Variants in WDR27 observed in about 807,000 individuals in gnomAD.
WDR27 encodes WD repeat domain 27.
WDR27 carries 100 observed loss-of-function variants against 114.4 expected under a neutral mutation model. The ratio of observed to expected loss-of-function variants is 0.87; its 90% CI spans 0.74 to 1.03. The LOEUF is 1.03. Ranked by LOEUF, WDR27 falls within the 50% of genes least tolerant of loss-of-function variation. The pLI is 0.00. For missense variants in WDR27, 1,129 were observed against 1,092.9 expected (o/e 1.03, Z -0.47); for synonymous variants, 449 against 423.1 (o/e 1.06, Z -0.75).
At chr6:169,474,301 AATAAACTCTGC>A (rs1786835684) in intron 25 of WDR27, among the ~76,000 whole-genome samples, 1 of 152,238 alleles carries the variant, frequency 6.6e-6, no homozygotes, top group Admixed American at 6.5e-5. Flanking sequence ...CTTAAGGATA[AATAAACTCTGC>A]TGAAGATCAT....
intron 25 of WDR27, among the ~76,000 whole-genome samples, chr6:169,486,043 A>G (rs1562481569): frequency 6.6e-6 from 1 of 152,134 alleles, no homozygotes; most frequent in Non-Finnish European, 1.5e-5. Flanking sequence ...AAAAGTAGCT[A>G]TTGGGTGACA....
intron 8 of WDR27, among the ~76,000 whole-genome samples, chr6:169,663,186 G>C (rs1237714582): frequency 6.6e-6 from 1 of 152,160 alleles, no homozygotes; most frequent in Non-Finnish European, 1.5e-5. Flanking sequence ...ATAATCAATT[G>C]AAAGAACTTA....
intron 22 of WDR27, among the ~76,000 whole-genome samples, chr6:169,607,391 T>TACACACAC (rs771848826): frequency 1.1e-5 from 1 of 87,386 alleles, no homozygotes; most frequent in African/African-American, 4.8e-5. Flanking sequence ...CTTGTGTGTG[T>TACACACAC]ATACACACAC....
intron 25 of WDR27, among the ~76,000 whole-genome samples, chr6:169,484,946 G>A (rs978782854): frequency 1.3e-5 from 2 of 152,320 alleles, no homozygotes; most frequent in East Asian, 1.9e-4. Flanking sequence ...AATAAATGGT[G>A]CTGGGATAAG....
At chr6:169,452,492 CG>C, downstream of WDR27, among the ~76,000 whole-genome samples, 1 of 19,462 alleles carries the variant, frequency 5.1e-5, no homozygotes, top group East Asian at 1.5e-3. Flanking sequence ...CAGCCCCGGA[CG>C]TGGGGTCAGA....
chr6:169,693,260 A>G (rs1784968079), intron 1 of WDR27, among the ~76,000 whole-genome samples: 6 of 152,126 alleles, frequency 3.9e-5, no homozygotes, highest in Admixed American at 3.9e-4. Context: ...CAAATGAAGG[A>G]AAGATAAAGT....
chr6:169,658,094 A>G, intron 13 of WDR27, 182 bp downstream of exon 13: 1 of 546,690 alleles, frequency 1.8e-6, no homozygotes, highest in East Asian at 3.2e-5. Context: ...GCACCCAGCA[A>G]GTTCCCCACC....
At position 169,672,266 on chromosome 6, in the gene WDR27, TTCTC is replaced by T; in HGVS notation, c.316_319del (p.Glu106LysfsTer25). 6.2e-7 allele frequency: 1 copy of T among 1,612,142 alleles called. No individual in the cohort carries two copies. Among genetic ancestry groups the T allele is most frequent in the Non-Finnish European group, 8.5e-7 (1 of 1,179,352 alleles). Reference sequence around the variant, plus strand: ...AGATTTTCATTTACCTTGAAGTACTTTCTCTCTACATTCATCCAGGTTCCACATT... The same window carrying T: ...AGATTTTCATTTACCTTGAAGTACTTTCTACATTCATCCAGGTTCCACATT... On this transcript the variant is annotated frameshift_variant, in exon 3 of 26. Transcript: ENST00000448612. LOFTEE classifies it high-confidence loss of function.
chr6:169,640,128 C>T (rs1368459622), intron 17 of WDR27, among the ~76,000 whole-genome samples: 2 of 152,172 alleles, frequency 1.3e-5, no homozygotes, highest in African/African-American at 4.8e-5. Flanking sequence ...TGCTCGACGA[C>T]CCCATTTTGC....
chr6:169,654,719 AAGGAGGCGCGCACAGG>A (rs879674284), intron 13 of WDR27, among the ~76,000 whole-genome samples: 81 of 123,540 alleles, frequency 6.6e-4, no homozygotes, highest in East Asian at 2.0e-3. Context: ...CGCACAGGAG[AAGGAGGCGCGCACAGG>A]AGGAGGCGCG....
intron 22 of WDR27, among the ~76,000 whole-genome samples, chr6:169,607,939 T>C (rs374220583): frequency 3.9e-5 from 6 of 152,332 alleles, no homozygotes; most frequent in Middle Eastern, 3.4e-3. Context: ...CCTGTGTGAA[T>C]GTCACAGAGT....
intron 25 of WDR27, among the ~76,000 whole-genome samples, chr6:169,531,054 T>C (rs1485772076): frequency 6.6e-6 from 1 of 152,186 alleles, no homozygotes. Context: ...TTTCACTAGA[T>C]TAAGGTCCAT....
intron 24 of WDR27, among the ~76,000 whole-genome samples, chr6:169,575,224 A>C (rs1415521023): frequency 5.0e-5 from 7 of 139,698 alleles, no homozygotes; most frequent in Non-Finnish European, 9.4e-5. Context: ...CCATCCATCC[A>C]TCTCTCTCCC....
chr6:169,524,131 T>C (rs1012472184), intron 25 of WDR27, among the ~76,000 whole-genome samples: 1 of 152,088 alleles, frequency 6.6e-6, no homozygotes, highest in African/African-American at 2.4e-5. Context: ...AGTATTTATA[T>C]ACACCAACAG....
intron 25 of WDR27, among the ~76,000 whole-genome samples, chr6:169,478,302 C>T (rs1030664380): frequency 1.8e-4 from 27 of 152,094 alleles, no homozygotes; most frequent in African/African-American, 6.0e-4. Context: ...CAAATAAATG[C>T]TACCACATGT....
At chr6:169,577,714 T>C (rs947805581) in intron 24 of WDR27, among the ~76,000 whole-genome samples, 1 of 152,112 alleles carries the variant, frequency 6.6e-6, no homozygotes, top group Non-Finnish European at 1.5e-5. Context: ...ATGGGAGTGG[T>C]TCGTTACAGC....
intron 1 of WDR27, 191 bp from the exon 2 acceptor site, chr6:169,689,203 C>A: frequency 2.3e-6 from 1 of 440,932 alleles, no homozygotes; most frequent in Non-Finnish European, 4.0e-6. Flanking sequence ...ACATTCTCAA[C>A]TGCTCCATTC....
At chr6:169,688,690 T>TA (rs1289739657) in intron 2 of WDR27, 127 bp downstream of exon 2, 21 of 478,666 alleles carry the variant, frequency 4.4e-5, no homozygotes, top group Non-Finnish European at 6.7e-5. Flanking sequence ...ATAATGTTTT[T>TA]ATCAATATTT....
At chr6:169,568,659 G>C (rs1800882635) in intron 25 of WDR27, among the ~76,000 whole-genome samples, 2 of 152,272 alleles carry the variant, frequency 1.3e-5, no homozygotes, top group African/African-American at 4.8e-5. Flanking sequence ...TGACAAACAG[G>C]GAAGACCCAA....
Sources: gnomAD v4.1 joint callset for allele counts (sites outside exome capture counted in the v4.1 genomes callset) on GRCh38, gnomAD v4.1.1 for gene constraint, MANE v1.5 for transcripts, NCBI Gene and HGNC (gene_info 2026-07-23, HGNC 2026-07-21) for gene names.